Variants in ABCC6 observed in about 807,000 individuals in gnomAD.
ABCC6 encodes ATP-binding cassette sub-family C member 6.
Under a neutral mutation model 169.5 loss-of-function variants are expected in ABCC6, and 126 were observed. That is an observed-to-expected ratio of 0.74 (90% CI 0.64 to 0.86). ABCC6 has a LOEUF of 0.86. ABCC6 is among the 40% of genes least tolerant of loss of function. ABCC6 has a pLI of 0.00. For synonymous variants in ABCC6, 752 were observed against 814.7 expected (o/e 0.92, Z 1.31); for missense variants, 1,733 against 1,927.2 (o/e 0.90, Z 1.89).
Position 16,220,550 on chromosome 16 carries a change from A to G in ABCC6, c.220-603T>C, listed in dbSNP as rs534465313. The stretch of plus-strand genomic sequence containing the variant: ...AAAAACAAAAAGCATATGTCATGAC[A>G]GGTGAAAATTACATGAAATCCAAAT... On this transcript the variant is annotated intron_variant, in intron 2 of 30. Coordinates refer to ENST00000205557, the MANE Select transcript of ABCC6 (RefSeq NM_001171.6). Among the ~76,000 whole-genome samples, 585 of 151,896 alleles carry G rather than the reference A, an allele frequency of 3.9e-3. 1 individual carries two copies. Among genetic ancestry groups the G allele is most frequent in the African/African-American group, 0.013 (543 of 41,480 alleles).
intron 13 of ABCC6, 75 bp from the exon 14 acceptor site, chr16:16,187,286 A>G: frequency 8.1e-7 from 1 of 1,233,098 alleles, no homozygotes; most frequent in Non-Finnish European, 1.2e-6. Context: ...GTGTCTCAAG[A>G]TGTGTGGCAA....
chr16:16,203,191 T>C (rs1245674185), intron 8 of ABCC6, among the ~76,000 whole-genome samples: 1 of 152,228 alleles, frequency 6.6e-6, no homozygotes, highest in Non-Finnish European at 1.5e-5. Flanking sequence ...CAAAAACTAA[T>C]TGATGCAGTC....
At position 16,190,205 on chromosome 16, in the gene ABCC6, AGAG is replaced by A; in HGVS notation, c.1591_1593del (p.Leu531del). 1.2e-6 allele frequency: 2 copies of A among 1,614,018 alleles called. No individual in the cohort carries two copies. The highest frequency in any genetic ancestry group is 1.7e-6 in the Non-Finnish European group (2 of 1,179,992). ...TGGAAGGACACCAGCGACACAGAGA[AGAG>A]GAGGCCGGAGGTCCGCAAGGCGCCC... On this transcript the variant is annotated inframe_deletion, in exon 12 of 31. Transcript: ENST00000205557.
intron 25 of ABCC6, 89 bp from the exon 26 acceptor site, chr16:16,159,672 G>T: frequency 8.3e-7 from 1 of 1,198,834 alleles, no homozygotes; most frequent in Non-Finnish European, 1.2e-6. Flanking sequence ...TTTTCTGGGA[G>T]GCCAGACCCA....
chr16:16,207,117 G>A (rs1203784302), intron 7 of ABCC6, among the ~76,000 whole-genome samples: 1 of 152,240 alleles, frequency 6.6e-6, no homozygotes, highest in Non-Finnish European at 1.5e-5. Context: ...AGTGAAGGGG[G>A]TCCAGCAAGC....
At chr16:16,187,015 C>T (rs1460748457) in intron 14 of ABCC6, 109 bp downstream of exon 14, 56 of 950,572 alleles carry the variant, frequency 5.9e-5, no homozygotes, top group Non-Finnish European at 6.9e-5. Flanking sequence ...ATCCATTGCC[C>T]GCAGCCCCCA....
rs140380606 is a variant in ABCC6, at chr16:16,176,852, A to G, written c.2590+600T>C. 2.3e-3 allele frequency among the ~76,000 whole-genome samples: 343 copies of G among 152,344 alleles called. 2 individuals are homozygous for G. Among genetic ancestry groups the G allele is most frequent in the African/African-American group, 7.8e-3 (325 of 41,586 alleles). On this transcript the variant is annotated intron_variant, in intron 19 of 30. Coordinates refer to ENST00000205557, the MANE Select transcript of ABCC6 (RefSeq NM_001171.6). Reference sequence around the variant, plus strand: ...GTGAAATGGAAATGATTCTAGTACCAGCCTCACAGGGGCATTATGTTGATT... The same window carrying G: ...GTGAAATGGAAATGATTCTAGTACCGGCCTCACAGGGGCATTATGTTGATT...
At position 16,198,159 on chromosome 16, in the gene ABCC6, G is replaced by A. The variant is rs780472669; in HGVS notation, c.1200C>T (p.Ser400=). ...YRKVLALSSG[S]RKASAVGDVV... ...CATCACCCACCGCACTGGCCTTTCT[G>A]GAGCCGCTGGACAGAGCCAGGACCT... is the stretch of plus-strand genomic sequence containing the variant. Residue 400 remains serine, a synonymous_variant, in exon 10 of 31, where the codon TCC becomes TCT. Transcript: ENST00000205557. The A allele has an allele frequency of 5.6e-6, 9 of 1,605,870 alleles. No individual in the cohort carries two copies. The highest frequency in any genetic ancestry group is 6.8e-6 in the Non-Finnish European group (8 of 1,176,038).
At chr16:16,178,988 G>C in intron 17 of ABCC6, 23 bp from the exon 18 acceptor site, 6 of 1,610,366 alleles carry the variant, frequency 3.7e-6, no homozygotes, top group Non-Finnish European at 5.1e-6. Flanking sequence ...AAGGAACAGT[G>C]GCCTGAGTCA....
chr16:16,184,841 C>A (rs2152263294), intron 15 of ABCC6, 118 bp downstream of exon 15: 1 of 1,168,566 alleles, frequency 8.6e-7, no homozygotes, highest in Non-Finnish European at 1.3e-6. Context: ...CCCAGCCAAA[C>A]CCACCCTCCA....
At chr16:16,165,544 T>C (rs2046845446) in intron 23 of ABCC6, 79 bp downstream of exon 23, 1 of 1,512,794 alleles carries the variant, frequency 6.6e-7, no homozygotes, top group African/African-American at 1.4e-5. Context: ...AAACCTCATA[T>C]ATGGAGTCTT....
chr16:16,170,950 G>A (rs2644988), intron 21 of ABCC6, among the ~76,000 whole-genome samples: 211 of 110,616 alleles, frequency 1.9e-3, no homozygotes, highest in Middle Eastern at 9.1e-3. Context: ...AAGAAAGAAA[G>A]AAAGAAAGAA....
intron 27 of ABCC6, among the ~76,000 whole-genome samples, chr16:16,156,902 C>T (rs1252432730): frequency 7.0e-6 from 1 of 142,180 alleles, no homozygotes; most frequent in Non-Finnish European, 1.5e-5. Context: ...AAGGTCACAC[C>T]ACTGCACTCC....
chr16:16,174,824 A>G (rs12929355), intron 20 of ABCC6, among the ~76,000 whole-genome samples: 1 of 141,026 alleles, frequency 7.1e-6, no homozygotes, highest in East Asian at 2.7e-4. Context: ...AATTTGGCAC[A>G]ATCTCGGCTC....
rs375279417 is a variant in ABCC6 at position 16,176,606 on chromosome 16, G to A, written c.2591-620C>T. Among the ~76,000 whole-genome samples, 3 of 152,216 alleles carry A rather than the reference G, an allele frequency of 2.0e-5. No homozygotes were observed. In the South Asian group the frequency reaches 6.2e-4, roughly 32 times the overall value. On this transcript the variant is annotated intron_variant, in intron 19 of 30. Coordinates refer to ENST00000205557, the MANE Select transcript of ABCC6 (RefSeq NM_001171.6). Reference sequence around the variant, plus strand: ...ACACTTAAGGTTTTAACCAGGTTGGGCCAGTGCTAAGCAGATGTTCTCAGA... The same window carrying A: ...ACACTTAAGGTTTTAACCAGGTTGGACCAGTGCTAAGCAGATGTTCTCAGA...
chr16:16,169,547 G>A, intron 22 of ABCC6, 99 bp downstream of exon 22: 3 of 1,399,958 alleles, frequency 2.1e-6, no homozygotes, highest in Non-Finnish European at 3.0e-6. Flanking sequence ...CACTGTTCCA[G>A]GGGGACAGGG....
intron 27 of ABCC6, chr16:16,155,918 T>G (rs2046537182): frequency 6.6e-6 from 1 of 152,102 alleles, no homozygotes; most frequent in African/African-American, 2.4e-5. Flanking sequence ...ATTTATTTAT[T>G]TATTTATTTA....
At chr16:16,195,091 G>A (rs1241386023) in intron 10 of ABCC6, among the ~76,000 whole-genome samples, 2 of 152,020 alleles carry the variant, frequency 1.3e-5, no homozygotes, top group African/African-American at 4.8e-5. Flanking sequence ...CCCACAGCAG[G>A]GCTTGGAAAA....
Position 16,174,933 on chromosome 16 carries a change from T to A in ABCC6, c.2666+978A>T, listed in dbSNP as rs114928433. 8.3e-3 allele frequency among the ~76,000 whole-genome samples: 1,261 copies of A among 151,134 alleles called. 13 individuals are homozygous for A. Among genetic ancestry groups the A allele is most frequent in the African/African-American group, 0.025 (1,050 of 41,244 alleles). On this transcript the variant is annotated intron_variant, in intron 20 of 30. Coordinates refer to ENST00000205557, the MANE Select transcript of ABCC6 (RefSeq NM_001171.6). ...ATGCCACCACGCCGGCTTTTTTTTT[T>A]TAATTTACTTATTTTTTATTTTTAG...
Sources: gnomAD v4.1 joint callset for allele counts (sites outside exome capture counted in the v4.1 genomes callset) on GRCh38, gnomAD v4.1.1 for gene constraint, MANE v1.5 for transcripts, NCBI Gene and HGNC (gene_info 2026-07-23, HGNC 2026-07-21) for gene names.